Variants in ARHGEF26 observed in about 807,000 individuals in gnomAD.
ARHGEF26 encodes the protein Rho guanine nucleotide exchange factor (GEF) 26.
Under a neutral mutation model 89.4 loss-of-function variants are expected in ARHGEF26, and 59 were observed. The ratio of observed to expected loss-of-function variants is 0.66; its 90% confidence interval spans 0.54 to 0.82. The LOEUF (loss-of-function observed/expected upper bound fraction) is 0.82, where lower values mean the gene tolerates loss of function less well. Ranked by LOEUF, ARHGEF26 falls within the 40% of genes least tolerant of loss-of-function variation. The pLI is 0.00. For synonymous variants in ARHGEF26, 500 were observed against 428.4 expected, an observed-to-expected ratio of 1.17 and a Z score of -2.06; for missense variants, 1,234 against 1,085.6, an observed-to-expected ratio of 1.14 and a Z score of -1.92.
chr3:154,130,063 G>T (rs1718589347), intron 4 of ARHGEF26, among the ~76,000 whole-genome samples: 1 of 151,082 alleles, frequency 6.6e-6, no homozygotes, highest in African/African-American at 2.4e-5. Flanking sequence ...GTTTATGTAT[G>T]TATGCGTGTA....
chr3:154,255,523 G>T lies in ARHGEF26; in HGVS notation c.*50G>T. 1 of 1,583,608 alleles carries T rather than the reference G, an allele frequency of 6.3e-7. No homozygotes were observed. Among genetic ancestry groups the T allele is most frequent in the Non-Finnish European group, 8.6e-7 (1 of 1,166,646 alleles). Reference sequence around the variant, plus strand: ...GCAAGATTTGCACGACACTTACCGGGCTGGTTGGTTCTGGGCTAGTTTTAT... The same window carrying T: ...GCAAGATTTGCACGACACTTACCGGTCTGGTTGGTTCTGGGCTAGTTTTAT... On this transcript the variant is annotated 3_prime_UTR_variant, in exon 15 of 15. Transcript: ENST00000465093.
chr3:154,140,867 C>T (rs1304202889), intron 4 of ARHGEF26, among the ~76,000 whole-genome samples: 1 of 152,082 alleles, frequency 6.6e-6, no homozygotes, highest in Non-Finnish European at 1.5e-5. Flanking sequence ...AGGCATGAGC[C>T]ACCATGCCCA....
intron 6 of ARHGEF26, among the ~76,000 whole-genome samples, chr3:154,176,546 A>G (rs9817625): frequency 0.19 from 29,016 of 152,092 alleles, 3,098 homozygotes; most frequent in South Asian, 0.37. Context: ...AGAGTTCGCA[A>G]TGACGCTGCT....
At chr3:154,166,136 T>C (rs1172728645) in intron 6 of ARHGEF26, among the ~76,000 whole-genome samples, 1 of 152,084 alleles carries the variant, frequency 6.6e-6, no homozygotes, top group Non-Finnish European at 1.5e-5. Flanking sequence ...CTGCCTTCCA[T>C]GTTCAAGCGA....
rs796560632 is a variant in ARHGEF26, at chr3:154,231,230, C to CT, written c.2090+5227dup. On this transcript the variant is annotated intron_variant, in intron 11 of 14. Transcript: ENST00000465093. ...TGGGAGCCCTGTTTCCTTTTTGCTCCTTTTTTTCTTCCGCTGTCATTTGCA... is the reference window on the plus strand; with the variant it reads ...TGGGAGCCCTGTTTCCTTTTTGCTCCTTTTTTTTCTTCCGCTGTCATTTGCA... 8.5e-5 allele frequency among the ~76,000 whole-genome samples: 13 copies of CT among 152,068 alleles called. No homozygotes were observed. In the East Asian group the frequency reaches 2.3e-3, roughly 27 times the overall value.
intron 11 of ARHGEF26, among the ~76,000 whole-genome samples, chr3:154,239,265 A>G (rs941963527): frequency 0.03 from 3,222 of 107,906 alleles, 47 homozygotes; most frequent in African/African-American, 0.046. Flanking sequence ...AGAGAGGGAG[A>G]GAGAGAGAGA....
chr3:154,205,721 C>T (rs574527872), intron 9 of ARHGEF26, among the ~76,000 whole-genome samples: 2 of 152,048 alleles, frequency 1.3e-5, no homozygotes, highest in Non-Finnish European at 1.5e-5. Context: ...ACAATAACAG[C>T]ACTATTTGCA....
At position 154,122,241 on chromosome 3, in the gene ARHGEF26, T is replaced by G. The variant is rs1341662369; in HGVS notation, c.249T>G (p.Leu83=). 1.2e-6 allele frequency: 2 copies of G among 1,610,956 alleles called. No homozygotes were observed. The highest frequency in any genetic ancestry group is 8.5e-7 in the Non-Finnish European group (1 of 1,179,074). Residue 83 remains leucine (L), a synonymous_variant, in exon 2 of 15, where the codon CTT becomes CTG. Coordinates refer to ENST00000465093, the MANE Select transcript of ARHGEF26 (RefSeq NM_015595.4). ...GGACGGTACATAGGAGCCCCCTGCT[T>G]CTGGGCGCCCAGCGGAGAGCGGTGG... is the stretch of plus-strand genomic sequence containing the variant. ...DSRTVHRSPL[L]LGAQRRAVAN...
chr3:154,154,599 A>T (rs1720219003), intron 6 of ARHGEF26, among the ~76,000 whole-genome samples: 1 of 151,838 alleles, frequency 6.6e-6, no homozygotes, highest in African/African-American at 2.4e-5. Context: ...TAAGTTGTTT[A>T]TCTTTGTTTT....
intron 9 of ARHGEF26, among the ~76,000 whole-genome samples, chr3:154,212,090 G>A (rs1715404760): frequency 6.6e-6 from 1 of 152,144 alleles, no homozygotes; most frequent in African/African-American, 2.4e-5. Context: ...TATAATCCCA[G>A]CACTTTGGGA....
chr3:154,148,989 C>T (rs924461079), intron 4 of ARHGEF26, among the ~76,000 whole-genome samples: 1 of 152,068 alleles, frequency 6.6e-6, no homozygotes, highest in African/African-American at 2.4e-5. Context: ...GTAGGGGGTC[C>T]CTAACCAATA....
chr3:154,250,962 T>TAG (rs10535573), intron 12 of ARHGEF26, among the ~76,000 whole-genome samples: 379 of 149,370 alleles, frequency 2.5e-3, no homozygotes, highest in African/African-American at 7.2e-3. Flanking sequence ...TGTCCTGTAT[T>TAG]AGAGAGAGAG....
Position 154,122,700 on chromosome 3 carries a change from T to G in ARHGEF26, c.708T>G (p.Ser236Arg). The change falls in exon 2 of 15, where the codon AGT (serine) becomes AGG (arginine). Residue 236 changes from serine (S) to arginine (R), a missense_variant. Transcript: ENST00000465093. Reference sequence around the variant, plus strand: ...TCGAGAATCCTTCCGTGGTTTTGAGTACAAACAGCCCCGCCGCCCTCAAAG... The same window carrying G: ...TCGAGAATCCTTCCGTGGTTTTGAGGACAAACAGCCCCGCCGCCCTCAAAG... ...ELLENPSVVLSTNSPAALKVG... is the reference protein window; with the variant it reads ...ELLENPSVVLRTNSPAALKVG... The G allele has an allele frequency of 6.2e-7, 1 of 1,613,654 alleles. No individual in the cohort carries two copies. The highest frequency in any genetic ancestry group is 8.5e-7 in the Non-Finnish European group (1 of 1,179,770).
chr3:154,124,869 T>C (rs1718230804), intron 3 of ARHGEF26, among the ~76,000 whole-genome samples: 1 of 152,178 alleles, frequency 6.6e-6, no homozygotes, highest in Admixed American at 6.6e-5. Context: ...CATTTCTGAC[T>C]TCCTGTTTCC....
intron 6 of ARHGEF26, among the ~76,000 whole-genome samples, chr3:154,165,870 C>G (rs901061478): frequency 1.3e-5 from 2 of 152,138 alleles, no homozygotes; most frequent in Non-Finnish European, 2.9e-5. Flanking sequence ...ACAATAATTT[C>G]TATCCATGGT....
intron 10 of ARHGEF26, among the ~76,000 whole-genome samples, chr3:154,221,459 G>A (rs981508013): frequency 3.9e-5 from 6 of 152,070 alleles, no homozygotes; most frequent in Non-Finnish European, 8.8e-5. Flanking sequence ...CTACAACTCA[G>A]CAATTTTACT....
At position 154,256,590 on chromosome 3, in the gene ARHGEF26, C is replaced by G; in HGVS notation, c.*1117C>G. 1.4e-6 allele frequency: 1 copy of G among 710,486 alleles called. No individual in the cohort carries two copies. Among genetic ancestry groups the G allele is most frequent in the Non-Finnish European group, 1.7e-6 (1 of 581,546 alleles). 44.0% of individuals were successfully genotyped at this position (710,486 alleles called of 1,614,324 possible). A position where few individuals can be genotyped will look rare whatever the true frequency, so the allele number is the denominator to read the frequency against. ...AAAAAAAAAAACCTTCCCAAATGAGCTGATAAAAAACTGACGTGAGGCTGC... is the reference window on the plus strand; with the variant it reads ...AAAAAAAAAAACCTTCCCAAATGAGGTGATAAAAAACTGACGTGAGGCTGC... On this transcript the variant is annotated 3_prime_UTR_variant, in exon 15 of 15. Transcript: ENST00000465093.
At chr3:154,254,904 C>A in intron 14 of ARHGEF26, 80 bp downstream of exon 14, 1 of 1,138,000 alleles carries the variant, frequency 8.8e-7, no homozygotes, top group Non-Finnish European at 1.3e-6. Context: ...ATTTTGTCAT[C>A]ATTGCCCATA....
At chr3:154,228,381 C>T (rs1716620506) in intron 11 of ARHGEF26, among the ~76,000 whole-genome samples, 1 of 151,824 alleles carries the variant, frequency 6.6e-6, no homozygotes, top group Non-Finnish European at 1.5e-5. Flanking sequence ...AGGTGATCTG[C>T]CTGTCTCGGC....
Sources: gnomAD v4.1 joint callset for allele counts (sites outside exome capture counted in the v4.1 genomes callset) on GRCh38, gnomAD v4.1.1 for gene constraint, MANE v1.5 for transcripts, NCBI Gene and HGNC (gene_info 2026-07-23, HGNC 2026-07-21) for gene names.